MARCHF3: variants seen among roughly 807,000 people sequenced by gnomAD.
The protein encoded by MARCHF3 is E3 ubiquitin-protein ligase MARCHF3.
MARCHF3 carries 13 observed loss-of-function variants against 24.2 expected under a neutral mutation model. The ratio of observed to expected loss-of-function variants is 0.54; its 90% CI spans 0.35 to 0.85. MARCHF3 has a LOEUF of 0.85. MARCHF3 is among the 40% of genes least tolerant of loss of function. MARCHF3 has a pLI of 0.01. For synonymous variants in MARCHF3, 144 were observed against 137.3 expected (o/e 1.05, Z -0.34); for missense variants, 276 against 325.0 (o/e 0.85, Z 1.16).
At chr5:127,028,592 C>G (rs1246129458) in intron 1 of MARCHF3, among the ~76,000 whole-genome samples, 1 of 146,310 alleles carries the variant, frequency 6.8e-6, no homozygotes, top group Non-Finnish European at 1.5e-5. Context: ...CAAAATGATT[C>G]AGTTTTAATG....
intron 3 of MARCHF3, among the ~76,000 whole-genome samples, chr5:126,902,862 A>C (rs1217348974): frequency 6.6e-6 from 1 of 152,012 alleles, no homozygotes; most frequent in Non-Finnish European, 1.5e-5. Context: ...TGCTGGCACA[A>C]AGTATGGTTC....
At chr5:126,890,443 C>T (rs1481210976) in intron 3 of MARCHF3, among the ~76,000 whole-genome samples, 1 of 123,396 alleles carries the variant, frequency 8.1e-6, no homozygotes, top group Non-Finnish European at 1.7e-5. Flanking sequence ...CCCCCTCCCC[C>T]CACCCCACAA....
intron 1 of MARCHF3, among the ~76,000 whole-genome samples, chr5:126,938,061 C>A (rs1194131293): frequency 1.3e-5 from 2 of 152,000 alleles, no homozygotes; most frequent in Non-Finnish European, 2.9e-5. Flanking sequence ...TACATAGTTG[C>A]AGCAGCTATC....
chr5:126,888,874 C>T (rs561040122), intron 3 of MARCHF3, among the ~76,000 whole-genome samples: 2 of 152,204 alleles, frequency 1.3e-5, no homozygotes, highest in Non-Finnish European at 1.5e-5. Flanking sequence ...AAGCTATTCT[C>T]GTGCCTCAGC....
intron 1 of MARCHF3, among the ~76,000 whole-genome samples, chr5:127,020,762 A>G (rs1392925182): frequency 1.3e-5 from 2 of 152,038 alleles, no homozygotes; most frequent in African/African-American, 4.8e-5. Context: ...ATGGTGGGAG[A>G]ACTGCTTGAG....
At chr5:126,957,653 T>A (rs1200182213) in intron 1 of MARCHF3, among the ~76,000 whole-genome samples, 2 of 152,164 alleles carry the variant, frequency 1.3e-5, no homozygotes, top group Admixed American at 6.5e-5. Flanking sequence ...TGTTCCTAGA[T>A]TCTGCTTCAT....
intron 1 of MARCHF3, among the ~76,000 whole-genome samples, chr5:126,990,667 C>A (rs901023452): frequency 6.6e-6 from 1 of 152,136 alleles, no homozygotes; most frequent in African/African-American, 2.4e-5. Context: ...GGGCTAATAT[C>A]CAGAATCTAC....
intron 3 of MARCHF3, among the ~76,000 whole-genome samples, chr5:126,894,892 T>C (rs1753819544): frequency 6.6e-6 from 1 of 151,890 alleles, no homozygotes; most frequent in Admixed American, 6.6e-5. Flanking sequence ...CTGGATAATA[T>C]CCTGCAGAGT....
At chr5:126,974,361 A>G (rs78631324) in intron 1 of MARCHF3, among the ~76,000 whole-genome samples, 7,844 of 152,244 alleles carry the variant, frequency 0.052, 375 homozygotes, top group South Asian at 0.14. Context: ...AATCCTGGAG[A>G]AAACCACTGC....
At chr5:126,974,174 G>A (rs1224735382) in intron 1 of MARCHF3, among the ~76,000 whole-genome samples, 1 of 152,146 alleles carries the variant, frequency 6.6e-6, no homozygotes, top group East Asian at 1.9e-4. Flanking sequence ...TGGGATTACA[G>A]GCGTGAGCCA....
At chr5:126,877,507 C>T (rs1230801324) in intron 4 of MARCHF3, among the ~76,000 whole-genome samples, 1 of 152,198 alleles carries the variant, frequency 6.6e-6, no homozygotes, top group East Asian at 1.9e-4. Flanking sequence ...AAGCGATCAA[C>T]TTACTGCATG....
intron 1 of MARCHF3, among the ~76,000 whole-genome samples, chr5:126,945,159 C>A (rs997938596): frequency 6.6e-6 from 1 of 152,032 alleles, no homozygotes; most frequent in African/African-American, 2.4e-5. Context: ...TCTCACTGAT[C>A]TCTTCTCAGC....
intron 1 of MARCHF3, among the ~76,000 whole-genome samples, chr5:126,972,214 CAG>C (rs1387637815): frequency 1.5e-5 from 2 of 134,918 alleles, no homozygotes; most frequent in Non-Finnish European, 3.1e-5. Context: ...CTGTTTGGAA[CAG>C]AGTGTTTGAC....
intron 1 of MARCHF3, among the ~76,000 whole-genome samples, chr5:126,968,122 A>G (rs1368186914): frequency 1.3e-5 from 2 of 152,228 alleles, no homozygotes; most frequent in Non-Finnish European, 2.9e-5. Context: ...TTCAAGGTTC[A>G]TCTATGTTGT....
intron 1 of MARCHF3, among the ~76,000 whole-genome samples, chr5:126,992,123 T>C (rs1751784681): frequency 6.6e-6 from 1 of 150,518 alleles, no homozygotes; most frequent in African/African-American, 2.5e-5. Flanking sequence ...CCTGTGATTG[T>C]TCCCCCACCC....
Position 126,916,568 on chromosome 5 carries a change from G to GT in MARCHF3, c.188+1415dup, listed in dbSNP as rs954102938. Among the ~76,000 whole-genome samples, 20 of 151,682 alleles carry GT rather than the reference G, an allele frequency of 1.3e-4. No homozygotes were observed. The South Asian group carries it at 2.9e-3, about 22-fold the overall frequency. On this transcript the variant is annotated intron_variant, in intron 2 of 4. Coordinates refer to ENST00000308660, the MANE Select transcript of MARCHF3 (RefSeq NM_178450.5). ...ACGAGTGGGAAAAGAAAGCTGACAA[G>GT]TTTTTTTTTAACTCATGATTCTGGG...
chr5:126,938,611 T>A (rs1252257706), intron 1 of MARCHF3, among the ~76,000 whole-genome samples: 1 of 152,072 alleles, frequency 6.6e-6, no homozygotes, highest in Admixed American at 6.5e-5. Flanking sequence ...ATTTCCCAAG[T>A]CTCACACTGT....
chr5:126,967,791 C>T (rs1266670381), intron 1 of MARCHF3, among the ~76,000 whole-genome samples: 1 of 152,182 alleles, frequency 6.6e-6, no homozygotes, highest in East Asian at 1.9e-4. Flanking sequence ...CACATCCAAC[C>T]TGCTGCCTGT....
intron 1 of MARCHF3, among the ~76,000 whole-genome samples, chr5:126,954,449 C>T (rs1750367588): frequency 6.6e-6 from 1 of 151,762 alleles, no homozygotes; most frequent in African/African-American, 2.4e-5. Context: ...TGGGTCACTG[C>T]AGCCTCCAAC....
Sources: gnomAD v4.1 joint callset for allele counts (sites outside exome capture counted in the v4.1 genomes callset) on GRCh38, gnomAD v4.1.1 for gene constraint, MANE v1.5 for transcripts, NCBI Gene and HGNC (gene_info 2026-07-23, HGNC 2026-07-21) for gene names.